The following KCNMB2 variants were observed in gnomAD, a reference collection of about 807,000 sequenced individuals.
KCNMB2 encodes calcium-activated potassium channel subunit beta-2.
A neutral mutation model predicts 24.5 loss-of-function variants in KCNMB2; 9 were observed. The ratio of observed to expected loss-of-function variants is 0.37; its 90% CI spans 0.22 to 0.64. The LOEUF (loss-of-function observed/expected upper bound fraction) is 0.64, where lower values mean the gene tolerates loss of function less well. Ranked by LOEUF, KCNMB2 falls within the 30% of genes least tolerant of loss-of-function variation. The pLI, the probability that KCNMB2 is intolerant of heterozygous loss-of-function variation, is 0.63. For synonymous variants in KCNMB2, 109 were observed against 104.4 expected (o/e 1.04, Z -0.27); for missense variants, 226 against 284.3 (o/e 0.79, Z 1.47).
chr3:178,587,753 T>C (rs1194115949), intron 1 of KCNMB2, among the ~76,000 whole-genome samples: 1 of 147,568 alleles, frequency 6.8e-6, no homozygotes, highest in Non-Finnish European at 1.5e-5. Flanking sequence ...TTTTTTTTTT[T>C]ATACGTTAAG....
At chr3:178,732,545 T>A (rs576258057) in intron 1 of KCNMB2, among the ~76,000 whole-genome samples, 6 of 152,318 alleles carry the variant, frequency 3.9e-5, no homozygotes, top group African/African-American at 1.2e-4. Context: ...TTGTTTAAAA[T>A]GTCCCCCAAG....
intron 1 of KCNMB2, among the ~76,000 whole-genome samples, chr3:178,803,043 T>A (rs1296593397): frequency 1.3e-5 from 2 of 152,200 alleles, no homozygotes; most frequent in Non-Finnish European, 2.9e-5. Context: ...TGTTATTATG[T>A]TTCATGGTCT....
intron 1 of KCNMB2, among the ~76,000 whole-genome samples, chr3:178,720,367 A>C (rs1722759379): frequency 1.4e-5 from 2 of 141,146 alleles, no homozygotes; most frequent in African/African-American, 2.8e-5. Context: ...CATTTTCTTA[A>C]TCCAGTCTAT....
intron 1 of KCNMB2, among the ~76,000 whole-genome samples, chr3:178,615,595 G>A (rs2108521179): frequency 6.6e-6 from 1 of 152,322 alleles, no homozygotes; most frequent in Non-Finnish European, 1.5e-5. Context: ...ACCAGCCAAT[G>A]TTCCCTTTAG....
intron 1 of KCNMB2, among the ~76,000 whole-genome samples, chr3:178,804,887 T>C (rs1276098959): frequency 6.6e-6 from 1 of 152,204 alleles, no homozygotes; most frequent in Non-Finnish European, 1.5e-5. Context: ...CAATCCTCAT[T>C]CTTATGAAGT....
At chr3:178,668,439 T>C (rs188352351) in intron 1 of KCNMB2, among the ~76,000 whole-genome samples, 1 of 152,226 alleles carries the variant, frequency 6.6e-6, no homozygotes, top group East Asian at 1.9e-4. Flanking sequence ...GACCCCAAGC[T>C]GTACACAATG....
At chr3:178,797,529 G>A (rs368187050) in intron 1 of KCNMB2, among the ~76,000 whole-genome samples, 5 of 152,120 alleles carry the variant, frequency 3.3e-5, no homozygotes, top group African/African-American at 1.2e-4. Flanking sequence ...AATTCATCAT[G>A]ACCAAGTGAG....
At chr3:178,669,890 A>C (rs1720842088) in intron 1 of KCNMB2, among the ~76,000 whole-genome samples, 1 of 152,086 alleles carries the variant, frequency 6.6e-6, no homozygotes, top group South Asian at 2.1e-4. Context: ...TAGAATGTGA[A>C]GCAGCAGCAA....
chr3:178,763,665 G>T (rs57572312), intron 1 of KCNMB2, among the ~76,000 whole-genome samples: 3,672 of 152,272 alleles, frequency 0.024, 156 homozygotes, highest in African/African-American at 0.083. Context: ...GACCATGGGA[G>T]AGAGTGGGTA....
intron 1 of KCNMB2, among the ~76,000 whole-genome samples, chr3:178,649,129 T>G (rs1314592394): frequency 2.6e-5 from 4 of 152,218 alleles, no homozygotes; most frequent in South Asian, 2.1e-4. Context: ...CTTTACATTT[T>G]GTAAGTAACT....
chr3:178,587,501 G>C (rs1032277665), intron 1 of KCNMB2, among the ~76,000 whole-genome samples: 1 of 152,046 alleles, frequency 6.6e-6, no homozygotes, highest in Non-Finnish European at 1.5e-5. Flanking sequence ...TTGGCTCACT[G>C]CAACCTCCGC....
chr3:178,551,584 T>A (rs576679393), intron 1 of KCNMB2, among the ~76,000 whole-genome samples: 7 of 152,366 alleles, frequency 4.6e-5, no homozygotes, highest in Non-Finnish European at 1.5e-5. Flanking sequence ...GGGCCACTGC[T>A]AACAAGTCCT....
chr3:178,538,298 C>T (rs887312154), intron 1 of KCNMB2, among the ~76,000 whole-genome samples: 14 of 152,200 alleles, frequency 9.2e-5, no homozygotes, highest in Non-Finnish European at 1.6e-4. Flanking sequence ...ATAGCTATGA[C>T]ATCGTTTTCT....
chr3:178,539,297 T>C (rs1374004501), intron 1 of KCNMB2, among the ~76,000 whole-genome samples: 1 of 152,190 alleles, frequency 6.6e-6, no homozygotes, highest in Non-Finnish European at 1.5e-5. Flanking sequence ...AATGTGTATA[T>C]AATTTTGTTA....
chr3:178,696,293 T>G (rs1721872747), intron 1 of KCNMB2, among the ~76,000 whole-genome samples: 1 of 151,996 alleles, frequency 6.6e-6, no homozygotes, highest in Admixed American at 6.6e-5. Context: ...CAATTCAAGA[T>G]GAGATTTGAG....
At chr3:178,771,939 C>T (rs554184789) in intron 1 of KCNMB2, among the ~76,000 whole-genome samples, 1 of 151,982 alleles carries the variant, frequency 6.6e-6, no homozygotes, top group Non-Finnish European at 1.5e-5. Flanking sequence ...ACCTCATGAC[C>T]AGATCCCTTA....
intron 1 of KCNMB2, among the ~76,000 whole-genome samples, chr3:178,574,107 C>T (rs1340083614): frequency 6.6e-6 from 1 of 152,044 alleles, no homozygotes; most frequent in South Asian, 2.1e-4. Flanking sequence ...AAATTCGACA[C>T]CAAGAAGGAC....
intron 1 of KCNMB2, among the ~76,000 whole-genome samples, chr3:178,694,315 A>G (rs1372313344): frequency 6.6e-6 from 1 of 152,202 alleles, no homozygotes; most frequent in African/African-American, 2.4e-5. Context: ...GGGAACCACA[A>G]TTAAAGATGA....
At chr3:178,568,846 T>C (rs1200826449) in intron 1 of KCNMB2, among the ~76,000 whole-genome samples, 32 of 120,512 alleles carry the variant, frequency 2.7e-4, no homozygotes, top group East Asian at 2.4e-4. Context: ...GATAGATAGA[T>C]AGATAGATGA....
Sources: allele counts gnomAD v4.1 joint callset (sites outside exome capture counted in the v4.1 genomes callset), GRCh38; gene constraint gnomAD v4.1.1; transcripts MANE v1.5; gene names NCBI Gene and HGNC (gene_info 2026-07-23, HGNC 2026-07-21).